Variants in B3GALT1 observed in about 807,000 individuals in gnomAD.
B3GALT1 encodes the protein beta-1,3-galactosyltransferase 1.
In B3GALT1, 10 loss-of-function variants were observed where a neutral mutation model predicts 23.2. That is an observed-to-expected ratio of 0.43 (90% CI 0.27 to 0.73). B3GALT1 has a LOEUF of 0.73. Ranked by LOEUF, B3GALT1 falls within the 30% of genes least tolerant of loss-of-function variation. The pLI is 0.21. For missense variants in B3GALT1, 299 were observed against 405.4 expected (o/e 0.74, Z 2.25); for synonymous variants, 156 against 141.5 (o/e 1.10, Z -0.73).
At chr2:167,785,427 T>A (rs1688323403) in intron 3 of B3GALT1, among the ~76,000 whole-genome samples, 1 of 152,168 alleles carries the variant, frequency 6.6e-6, no homozygotes, top group Non-Finnish European at 1.5e-5. Flanking sequence ...TTTGCAGATT[T>A]CAGACAATAG....
At chr2:167,329,197 G>A (rs1696937956) in intron 1 of B3GALT1, among the ~76,000 whole-genome samples, 1 of 152,090 alleles carries the variant, frequency 6.6e-6, no homozygotes, top group Non-Finnish European at 1.5e-5. Flanking sequence ...ACAGGTTTTG[G>A]TATGTTGTGT....
intron 1 of B3GALT1, among the ~76,000 whole-genome samples, chr2:167,438,741 A>G (rs913433949): frequency 6.6e-6 from 1 of 152,200 alleles, no homozygotes; most frequent in Non-Finnish European, 1.5e-5. Flanking sequence ...TGAGCTAGAA[A>G]ACTACTGATT....
intron 4 of B3GALT1, among the ~76,000 whole-genome samples, chr2:167,845,835 A>G (rs1254023781): frequency 6.6e-6 from 1 of 152,104 alleles, no homozygotes; most frequent in Non-Finnish European, 1.5e-5. Context: ...GGCAAAGCTC[A>G]ATGCAAGGAA....
chr2:167,379,980 G>T (rs114154723), intron 1 of B3GALT1, among the ~76,000 whole-genome samples: 5 of 152,308 alleles, frequency 3.3e-5, no homozygotes, highest in Non-Finnish European at 7.4e-5. Context: ...AGAGTGTGGT[G>T]GCTCAGGCTC....
chr2:167,547,693 CAAAAAA>C (rs71031296), intron 2 of B3GALT1, among the ~76,000 whole-genome samples: 20 of 75,514 alleles, frequency 2.6e-4, no homozygotes, highest in Admixed American at 4.4e-4. Flanking sequence ...GACTCTGTCT[CAAAAAA>C]AAAAAAAAAA....
chr2:167,820,422 C>A (rs1689080817), intron 4 of B3GALT1, among the ~76,000 whole-genome samples: 1 of 152,088 alleles, frequency 6.6e-6, no homozygotes, highest in African/African-American at 2.4e-5. Context: ...TGTGGGATGA[C>A]CAGTGAGTTG....
chr2:167,647,171 C>G (rs1685761405), intron 3 of B3GALT1, among the ~76,000 whole-genome samples: 1 of 152,140 alleles, frequency 6.6e-6, no homozygotes, highest in African/African-American at 2.4e-5. Context: ...GCCATGTTCC[C>G]CATGAAGGTA....
At chr2:167,307,733 A>G (rs1005848889) in intron 1 of B3GALT1, among the ~76,000 whole-genome samples, 4 of 151,962 alleles carry the variant, frequency 2.6e-5, no homozygotes, top group Non-Finnish European at 5.9e-5. Context: ...TGTACTGTTT[A>G]GGGATGTCTC....
chr2:167,774,498 T>TTTTTTTTTTTTTTTTTTTTTG (rs1558974793), intron 3 of B3GALT1, among the ~76,000 whole-genome samples: 2 of 34,456 alleles, frequency 5.8e-5, no homozygotes, highest in Non-Finnish European at 8.8e-5. Context: ...TTTTTTTTTG[T>TTTTTTTTTTTTTTTTTTTTTG]TTTTTTTTTT....
intron 1 of B3GALT1, among the ~76,000 whole-genome samples, chr2:167,414,409 A>G (rs1452197939): frequency 6.6e-6 from 1 of 152,148 alleles, no homozygotes; most frequent in East Asian, 1.9e-4. Context: ...GGTGCAAGAA[A>G]CCAATTAGGT....
intron 3 of B3GALT1, among the ~76,000 whole-genome samples, chr2:167,762,431 C>T (rs576614250): frequency 6.6e-6 from 1 of 152,026 alleles, no homozygotes; most frequent in South Asian, 2.1e-4. Context: ...CAGAAACATC[C>T]GAAAGAATAA....
rs185843801 is a variant in B3GALT1, at chr2:167,559,675, C to G, written c.-410+69398C>G. ...TGAAGAATGCAGAAGCCTCAGGACCCAGTGCGATCAACTGGAAGAAAGGGT... is the reference window on the plus strand; with the variant it reads ...TGAAGAATGCAGAAGCCTCAGGACCGAGTGCGATCAACTGGAAGAAAGGGT... On this transcript the variant is annotated intron_variant, in intron 2 of 4. Transcript: ENST00000392690. Among the ~76,000 whole-genome samples, 583 of 152,222 alleles carry G rather than the reference C, an allele frequency of 3.8e-3. 4 individuals carry two copies. Among genetic ancestry groups the G allele is most frequent in the African/African-American group, 0.013 (549 of 41,514 alleles).
chr2:167,547,046 A>G (rs569501509), intron 2 of B3GALT1, among the ~76,000 whole-genome samples: 11 of 152,172 alleles, frequency 7.2e-5, no homozygotes, highest in Middle Eastern at 3.4e-3. Context: ...ATGATCCCTC[A>G]CTAGCTCAGA....
At chr2:167,535,008 C>T (rs1409775230) in intron 2 of B3GALT1, among the ~76,000 whole-genome samples, 4 of 152,144 alleles carry the variant, frequency 2.6e-5, no homozygotes, top group Non-Finnish European at 1.5e-5. Flanking sequence ...ACAAAGCTAG[C>T]AGGTGGCAGA....
At chr2:167,305,861 A>G (rs149695166) in intron 1 of B3GALT1, among the ~76,000 whole-genome samples, 399 of 152,202 alleles carry the variant, frequency 2.6e-3, no homozygotes, top group Non-Finnish European at 3.3e-3. Context: ...GGTCTACTAG[A>G]CTAAATTATA....
intron 1 of B3GALT1, among the ~76,000 whole-genome samples, chr2:167,455,433 A>G (rs1352016536): frequency 1.3e-5 from 2 of 150,596 alleles, no homozygotes; most frequent in East Asian, 1.9e-4. Flanking sequence ...GAAGGGGAGT[A>G]AAATAAAAGT....
intron 1 of B3GALT1, among the ~76,000 whole-genome samples, chr2:167,466,933 T>G (rs1393716045): frequency 6.7e-6 from 1 of 148,480 alleles, no homozygotes; most frequent in Non-Finnish European, 1.5e-5. Flanking sequence ...TTCACCATGT[T>G]GCCCAGGTGG....
chr2:167,637,581 T>A (rs1363421100), intron 2 of B3GALT1, among the ~76,000 whole-genome samples: 3 of 151,998 alleles, frequency 2.0e-5, no homozygotes, highest in African/African-American at 7.2e-5. Flanking sequence ...TCTACTCTGC[T>A]ATTGAACATT....
At chr2:167,558,621 G>A (rs565179139) in intron 2 of B3GALT1, among the ~76,000 whole-genome samples, 17 of 152,286 alleles carry the variant, frequency 1.1e-4, no homozygotes, top group Admixed American at 3.3e-4. Flanking sequence ...GCGCTTTTCC[G>A]ACGGGCTTAG....
Sources: gnomAD v4.1 joint callset for allele counts (sites outside exome capture counted in the v4.1 genomes callset) on GRCh38, gnomAD v4.1.1 for gene constraint, MANE v1.5 for transcripts, NCBI Gene and HGNC (gene_info 2026-07-23, HGNC 2026-07-21) for gene names.